The following TRAFD1 variants were observed in gnomAD, a reference collection of about 807,000 sequenced individuals.
TRAFD1 encodes TRAF-type zinc finger domain containing 1, also known as TRAF-type zinc finger domain-containing protein 1.
Under a neutral mutation model 65.3 loss-of-function variants are expected in TRAFD1, and 38 were observed. The observed-to-expected ratio is 0.58, with a 90% CI of 0.45 to 0.76. The LOEUF is 0.76. Ranked by LOEUF, TRAFD1 falls within the 30% of genes least tolerant of loss-of-function variation. The pLI is 0.00. For synonymous variants in TRAFD1, 223 were observed against 257.2 expected, an observed-to-expected ratio of 0.87 and a Z score of 1.27; for missense variants, 631 against 712.6, an observed-to-expected ratio of 0.89 and a Z score of 1.30.
intron 4 of TRAFD1, among the ~76,000 whole-genome samples, chr12:112,135,885 G>A (rs2079597397): frequency 7.1e-6 from 1 of 141,818 alleles, no homozygotes; most frequent in Non-Finnish European, 1.5e-5. Flanking sequence ...GCTCATGCCT[G>A]TAATCCCAGC....
intron 8 of TRAFD1, 35 bp downstream of exon 8, chr12:112,148,339 T>G: frequency 1.0e-5 from 16 of 1,584,778 alleles, no homozygotes; most frequent in Non-Finnish European, 1.3e-5. Context: ...CATGTGGCTC[T>G]GTGCGTGAAC....
Position 112,130,701 on chromosome 12 carries a change from A to G in TRAFD1, c.47+132A>G. 2 of 619,906 alleles carry G rather than the reference A, an allele frequency of 3.2e-6. No individual in the cohort carries two copies. The highest frequency in any genetic ancestry group is 3.4e-5 in the Admixed American group (1 of 29,552). The allele number at this position is 619,906 out of a possible 1,614,324, so 38.4% of individuals were successfully genotyped here. ...TTAAGCTTTCTATTTTGGTGTTTATAACCCACATGAATTACAAGAAAGAGC... is the reference window on the plus strand; with the variant it reads ...TTAAGCTTTCTATTTTGGTGTTTATGACCCACATGAATTACAAGAAAGAGC... On this transcript the variant is annotated intron_variant, in intron 2 of 11. Transcript: ENST00000412615. This position sits in a 1 kb window ranked among gnomAD's most constrained non-coding sequence, Gnocchi z 4.4.
At chr12:112,146,987 GTTTTTTTTTTTTTTT>G (rs547077120) in intron 7 of TRAFD1, among the ~76,000 whole-genome samples, 9 of 52,528 alleles carry the variant, frequency 1.7e-4, no homozygotes, top group South Asian at 1.3e-3. Flanking sequence ...GGGAACTTCT[GTTTTTTTTTTTTTTT>G]TTTTTTTTTT....
intron 1 of TRAFD1, among the ~76,000 whole-genome samples, chr12:112,127,756 A>G (rs989758501): frequency 6.7e-6 from 1 of 149,796 alleles, no homozygotes; most frequent in Non-Finnish European, 1.5e-5. Context: ...AGCTCTTTTT[A>G]GTAGAGACTG....
In TRAFD1 at chr12:112,141,133, G is replaced by A. The variant is rs1172506333; in HGVS notation, c.552G>A (p.Arg184=). The change falls in exon 5 of 12, where the codon AGG becomes AGA. Residue 184 remains arginine (R), a synonymous_variant. Coordinates refer to ENST00000412615, the MANE Select transcript of TRAFD1 (RefSeq NM_006700.3). ...ACCCACCCATGAGGCTGCCGCGAAG[G>A]CCCCTGAGAGCCTTTGAATCAGATG... ...ALDPPMRLPR[R]PLRAFESDVF... is the part of the protein sequence containing the mutation. 1 of 1,614,044 alleles carries A rather than the reference G, an allele frequency of 6.2e-7. No individual in the cohort carries two copies. Among genetic ancestry groups the A allele is most frequent in the African/African-American group, 1.3e-5 (1 of 74,912 alleles).
chr12:112,136,578 C>A (rs1017757271), intron 4 of TRAFD1, among the ~76,000 whole-genome samples: 3 of 151,930 alleles, frequency 2.0e-5, no homozygotes, highest in Non-Finnish European at 4.4e-5. Flanking sequence ...CCACCATGCC[C>A]GGTCATTTTT....
chr12:112,134,850 C>T lies in TRAFD1; in HGVS notation c.160C>T (p.His54Tyr), dbSNP rs781347290. 1.2e-6 allele frequency: 2 copies of T among 1,613,464 alleles called. No individual in the cohort carries two copies. The highest frequency in any genetic ancestry group is 2.2e-5 in the South Asian group (2 of 91,076). The change falls in exon 3 of 12, where the codon CAC (histidine) becomes TAC (tyrosine). Residue 54 changes from histidine (H) to tyrosine (Y), a missense_variant. His to Tyr is a moderately conservative substitution (Grantham distance 83). Transcript: ENST00000412615. Reference protein sequence around the residue: ...EPFPKSDMETHMAAEHCQVTC... With the variant: ...EPFPKSDMETYMAAEHCQVTC... ...ATTTCCCAAATCTGACATGGAGACT[C>T]ACATGGCTGCAGAACACTGTCAGGT... is the stretch of plus-strand genomic sequence containing the variant.
intron 4 of TRAFD1, among the ~76,000 whole-genome samples, chr12:112,139,872 G>A (rs374578019): frequency 6.6e-5 from 10 of 152,050 alleles, no homozygotes; most frequent in Admixed American, 1.3e-4. Context: ...GTGGTGGCAC[G>A]CACCTGTGGT....
chr12:112,134,172 G>GCCCA (rs2079581964), intron 2 of TRAFD1, among the ~76,000 whole-genome samples: 1 of 150,326 alleles, frequency 6.7e-6, no homozygotes, highest in African/African-American at 2.5e-5. Context: ...CGCCACACCT[G>GCCCA]GCTAATTTTG....
chr12:112,149,969 G>C, intron 9 of TRAFD1, 98 bp downstream of exon 9: 5 of 1,514,678 alleles, frequency 3.3e-6, no homozygotes, highest in Non-Finnish European at 4.4e-6. Context: ...GGGATTACCT[G>C]CATCTCAAAT....
At position 112,142,213 on chromosome 12, in the gene TRAFD1, T is replaced by C. The variant is rs77125209; in HGVS notation, c.768T>C (p.Ser256=). Residue 256 remains serine, a synonymous_variant, in exon 6 of 12, where the codon AGT becomes AGC. Transcript: ENST00000412615. ...TGCAAAATGAAGGCCAAGCCTCCAG[T>C]GTGGCAGAGCAGGACTTCTGGAGGG... ...LSLQNEGQAS[S]VAEQDFWRAV... The C allele has an allele frequency of 6.8e-6, 11 of 1,613,820 alleles. No homozygotes were observed. Among genetic ancestry groups the C allele is most frequent in the African/African-American group, 1.3e-5 (1 of 74,856 alleles).
In TRAFD1 at chr12:112,152,566, TG is replaced by T; in HGVS notation, c.1692+68del. The T allele has an allele frequency of 6.2e-7, 1 of 1,604,026 alleles. No individual in the cohort carries two copies. The highest frequency in any genetic ancestry group is 8.5e-7 in the Non-Finnish European group (1 of 1,172,320). On this transcript the variant is annotated intron_variant, in intron 11 of 11. Transcript: ENST00000412615. The surrounding 1 kb of genome is among the most constrained non-coding windows in gnomAD (Gnocchi z 5.0). ...GACATGGTGGGGCTTGTGTGGCTCC[TG>T]AAGTTGTAGAAGTTGTTGGGACCAG...
chr12:112,145,703 T>G (rs1273767120), intron 7 of TRAFD1, 41 bp downstream of exon 7: 27 of 1,589,442 alleles, frequency 1.7e-5, no homozygotes, highest in Non-Finnish European at 2.3e-5. Context: ...TAGGATTGTA[T>G]GCAGGCCATA....
intron 1 of TRAFD1, among the ~76,000 whole-genome samples, chr12:112,126,993 AG>A (rs1197758557): frequency 6.6e-6 from 1 of 152,120 alleles, no homozygotes; most frequent in African/African-American, 2.4e-5. Context: ...CCTAGTTTAA[AG>A]CCCTTCAGTG....
chr12:112,141,391 G>C (rs1305618628), intron 5 of TRAFD1, 167 bp downstream of exon 5: 1 of 784,840 alleles, frequency 1.3e-6, no homozygotes, highest in Admixed American at 2.9e-5. Context: ...ACCTCCATTG[G>C]ATTATAGTTA....
intron 8 of TRAFD1, 75 bp downstream of exon 8, chr12:112,148,379 T>TTA (rs2030313338): frequency 4.6e-6 from 6 of 1,309,014 alleles, no homozygotes; most frequent in African/African-American, 2.9e-5. Flanking sequence ...GAACACTTCC[T>TTA]TAGCCTTTAA....
chr12:112,138,357 C>G (rs1486807069), intron 4 of TRAFD1, among the ~76,000 whole-genome samples: 1 of 152,130 alleles, frequency 6.6e-6, no homozygotes, highest in African/African-American at 2.4e-5. Flanking sequence ...CAAGACCAGC[C>G]TGGTCAACAT....
intron 7 of TRAFD1, among the ~76,000 whole-genome samples, chr12:112,146,078 G>A (rs1438921551): frequency 6.7e-6 from 1 of 149,440 alleles, no homozygotes; most frequent in Non-Finnish European, 1.5e-5. Context: ...TAAATGACGA[G>A]TTAATGGGTG....
rs1436843764 is a variant in TRAFD1 at position 112,151,816 on chromosome 12, G to A, written c.1295G>A (p.Gly432Asp). 1.2e-6 allele frequency: 2 copies of A among 1,612,974 alleles called. No homozygotes were observed. The highest frequency in any genetic ancestry group is 2.7e-5 in the African/African-American group (2 of 74,868). The stretch of plus-strand genomic sequence containing the variant: ...CTCTTCTCAGGAGACCTGTCTTCTG[G>A]TTACCTGGATGATACTAAGCAGGAA... ...RVRHQGDLSS[G>D]YLDDTKQETA... The change falls in exon 10 of 12, where the codon GGT becomes GAT. Residue 432 changes from glycine to aspartate, a missense_variant. Coordinates refer to ENST00000412615, the MANE Select transcript of TRAFD1 (RefSeq NM_006700.3).
Sources: allele counts gnomAD v4.1 joint callset (sites outside exome capture counted in the v4.1 genomes callset), GRCh38; gene constraint gnomAD v4.1.1; non-coding constraint Gnocchi (gnomAD v3.1); transcripts MANE v1.5; gene names NCBI Gene and HGNC (gene_info 2026-07-23, HGNC 2026-07-21).